Variants in C16orf96 observed in about 807,000 individuals in gnomAD.
The protein encoded by C16orf96 is chromosome 16 open reading frame 96, also known as uncharacterized protein C16orf96.
C16orf96 carries 108 observed loss-of-function variants against 103.6 expected under a neutral mutation model. The ratio of observed to expected loss-of-function variants is 1.04; its 90% CI spans 0.89 to 1.22. The LOEUF (loss-of-function observed/expected upper bound fraction) is 1.22. Among genes scored for constraint, C16orf96 ranks in the 50% most tolerant of loss-of-function variants. C16orf96 has a pLI of 0.00. For missense variants in C16orf96, 1,586 were observed against 1,464.2 expected, an observed-to-expected ratio of 1.08 and a Z score of -1.36; for synonymous variants, 566 against 593.5, an observed-to-expected ratio of 0.95 and a Z score of 0.67.
In C16orf96 at chr16:4,556,856, C is replaced by T. The variant is rs1208119326; in HGVS notation, c.367C>T (p.His123Tyr). Residue 123 changes from histidine (H) to tyrosine (Y), a missense_variant, in exon 1 of 16, where the codon CAT becomes TAT. Coordinates refer to ENST00000444310, the MANE Select transcript of C16orf96 (RefSeq NM_001145011.2). ...TGCCCGGCCCGTCCAGGACCTGTGG[C>T]ATCTGATCAAGCTCCGGAAGATGGT... ...GTARPVQDLWHLIKLRKMVEG... is the reference protein window; with the variant it reads ...GTARPVQDLWYLIKLRKMVEG... 5 of 1,551,234 alleles carry T rather than the reference C, an allele frequency of 3.2e-6. No homozygotes were observed. In the South Asian group the frequency reaches 5.9e-5, roughly 18 times the overall value.
At chr16:4,549,801 TA>T in the C16orf96 span, among the ~76,000 whole-genome samples, 1 of 151,764 alleles carries the variant, frequency 6.6e-6, no homozygotes, top group East Asian at 1.9e-4. Flanking sequence ...CAAAATAAAA[TA>T]AAAAGGAGCC....
rs750545805 is a variant in C16orf96 at position 4,600,723 on chromosome 16, C to T, written c.*406C>T. On this transcript the variant is annotated 3_prime_UTR_variant, in exon 16 of 16. Transcript: ENST00000444310. ...AAACAGCACAGTGCACATTCTCATT[C>T]TACATTGTCATATAAACACAGCTTT... 4.1e-4 allele frequency: 77 copies of T among 187,380 alleles called. No individual in the cohort carries two copies. Among genetic ancestry groups the T allele is most frequent in the Non-Finnish European group, 7.7e-4 (68 of 88,512 alleles). 11.6% of individuals were successfully genotyped at this position (187,380 alleles called of 1,614,324 possible). A position where few individuals can be genotyped will look rare whatever the true frequency, so the allele number is the denominator to read the frequency against.
rs1473417565 is a variant in C16orf96 at position 4,587,093 on chromosome 16, A to G, written c.2407A>G (p.Met803Val). Residue 803 changes from methionine (M) to valine (V), a missense_variant, in exon 8 of 16, where the codon ATG (methionine) becomes GTG (valine). Met to Val is a conservative substitution (Grantham distance 21). Transcript: ENST00000444310. ...LEMNKVNKST[M>V]EEELREKADR... ...AATGAACAAGGTGAATAAGAGCACGATGGAGGAGGAGCTGAGAGAGGTGAG... is the reference window on the plus strand; with the variant it reads ...AATGAACAAGGTGAATAAGAGCACGGTGGAGGAGGAGCTGAGAGAGGTGAG... The G allele has an allele frequency of 6.4e-7, 1 of 1,551,518 alleles. No individual in the cohort carries two copies. Among genetic ancestry groups the G allele is most frequent in the Non-Finnish European group, 8.7e-7 (1 of 1,146,958 alleles).
chr16:4,538,979 C>A, the C16orf96 span, among the ~76,000 whole-genome samples: 1 of 152,168 alleles, frequency 6.6e-6, no homozygotes, highest in Non-Finnish European at 1.5e-5. Context: ...AAAGAACCGT[C>A]CCTGTGAGCG....
intron 2 of C16orf96, among the ~76,000 whole-genome samples, chr16:4,574,151 G>A (rs2059472841): frequency 6.6e-6 from 1 of 151,024 alleles, no homozygotes. Flanking sequence ...GATTCTTAAT[G>A]TGCTTTTGCT....
chr16:4,548,557 C>G, the C16orf96 span, among the ~76,000 whole-genome samples: 1 of 152,060 alleles, frequency 6.6e-6, no homozygotes, highest in East Asian at 1.9e-4. Context: ...CTCCCAAGAA[C>G]TTTTGCGCCT....
At position 4,593,141 on chromosome 16, in the gene C16orf96, G is replaced by T; in HGVS notation, c.2775-83G>T. On this transcript the variant is annotated intron_variant, in intron 11 of 15. Transcript: ENST00000444310. This position sits in a 1 kb window ranked among gnomAD's most constrained non-coding sequence, Gnocchi z 4.2. Reference sequence around the variant, plus strand: ...GCACCTCCTTCCTCCTGCTGGGAAGGCTTCCTGGAGGGGTGGGAGACGAGC... The same window carrying T: ...GCACCTCCTTCCTCCTGCTGGGAAGTCTTCCTGGAGGGGTGGGAGACGAGC... 8.3e-6 allele frequency: 11 copies of T among 1,320,082 alleles called. No individual in the cohort carries two copies. The highest frequency in any genetic ancestry group is 1.2e-5 in the Non-Finnish European group (11 of 941,412). The allele number at this position is 1,320,082 out of a possible 1,614,324, so 81.8% of individuals were successfully genotyped here. A position where few individuals can be genotyped will look rare whatever the true frequency, so the allele number is the denominator to read the frequency against.
At chr16:4,574,663 G>A in intron 2 of C16orf96, 46 bp from the exon 3 acceptor site, 2 of 1,475,078 alleles carry the variant, frequency 1.4e-6, no homozygotes, top group South Asian at 1.2e-5. Flanking sequence ...GGCAGGGGTG[G>A]GACAGAACCT....
intron 2 of C16orf96, among the ~76,000 whole-genome samples, chr16:4,574,009 T>G (rs1038397766): frequency 6.6e-6 from 1 of 151,228 alleles, no homozygotes. Context: ...AATTTTTGTG[T>G]TTTTAGTGGA....
At chr16:4,572,332 C>T (rs936288367) in intron 2 of C16orf96, among the ~76,000 whole-genome samples, 1 of 120,966 alleles carries the variant, frequency 8.3e-6, no homozygotes, top group African/African-American at 3.1e-5. Context: ...TGGAGTCTCG[C>T]TCTGTTGCCC....
chr16:4,588,403 A>C (rs1475880023), intron 9 of C16orf96, 72 bp downstream of exon 9: 2 of 1,472,588 alleles, frequency 1.4e-6, no homozygotes, highest in Non-Finnish European at 1.8e-6. Flanking sequence ...TGCAAACAAC[A>C]AACGTTTTCA....
the C16orf96 span, among the ~76,000 whole-genome samples, chr16:4,544,872 T>C: frequency 6.6e-6 from 1 of 152,096 alleles, no homozygotes; most frequent in African/African-American, 2.4e-5. Context: ...GATGAGACGA[T>C]TGAAGTGTAT....
In C16orf96 at chr16:4,572,301, T is replaced by C. The variant is rs1006316744; in HGVS notation, c.525+636T>C. ...GATCTAGGTACTCATGCAATACTTATATTTCTTTTTTTTTTTGAGATGGAG... is the reference window on the plus strand; with the variant it reads ...GATCTAGGTACTCATGCAATACTTACATTTCTTTTTTTTTTTGAGATGGAG... On this transcript the variant is annotated intron_variant, in intron 2 of 15. Coordinates refer to ENST00000444310, the MANE Select transcript of C16orf96 (RefSeq NM_001145011.2). Among the ~76,000 whole-genome samples, 34 of 37,218 alleles carry C rather than the reference T, an allele frequency of 9.1e-4. No individual in the cohort carries two copies. In the Admixed American group the frequency reaches 0.015, roughly 16 times the overall value. 24.4% of individuals were successfully genotyped at this position (37,218 alleles called of 152,430 possible). A position where few individuals can be genotyped will look rare whatever the true frequency, so the allele number is the denominator to read the frequency against.
Position 4,585,190 on chromosome 16 carries a change from C to G in C16orf96, c.2353-1849C>G, listed in dbSNP as rs1896892024. ...GCATAAATAAGGCCAGGTTTGATGG[C>G]TCTTGTAATCCCAGCACTTTGGGAG... On this transcript the variant is annotated intron_variant, in intron 7 of 15. Transcript: ENST00000444310. 3.3e-5 allele frequency among the ~76,000 whole-genome samples: 5 copies of G among 149,262 alleles called. No homozygotes were observed. In the Admixed American group the frequency reaches 3.4e-4, roughly 10 times the overall value.
chr16:4,590,561 AAAAT>A (rs759063280), intron 9 of C16orf96, among the ~76,000 whole-genome samples: 4 of 150,366 alleles, frequency 2.7e-5, no homozygotes, highest in Middle Eastern at 3.5e-3. Flanking sequence ...CTCTGTCTCA[AAAAT>A]AAATAAATAA....
At chr16:4,546,037 A>G in the C16orf96 span, among the ~76,000 whole-genome samples, 9 of 150,004 alleles carry the variant, frequency 6.0e-5, no homozygotes, top group African/African-American at 9.8e-5. Flanking sequence ...TTCAGTAGAG[A>G]TGGGGTTTCA....
chr16:4,594,603 A>G (rs1897131086), intron 13 of C16orf96, 93 bp downstream of exon 13: 5 of 1,535,714 alleles, frequency 3.3e-6, no homozygotes, highest in African/African-American at 1.4e-5. Context: ...GGGCAACCCC[A>G]GCAGAGGCTG....
chr16:4,599,463 C>T, intron 15 of C16orf96, 99 bp downstream of exon 15: 1 of 1,037,470 alleles, frequency 9.6e-7, no homozygotes, highest in African/African-American at 1.6e-5. Flanking sequence ...CCTGGGCTCT[C>T]CTGTCCACCT....
chr16:4,546,070 G>C, the C16orf96 span, among the ~76,000 whole-genome samples: 2 of 151,472 alleles, frequency 1.3e-5, no homozygotes, highest in Admixed American at 1.3e-4. Context: ...GGCTGATCTC[G>C]AACTCCTGAC....
Sources: gnomAD v4.1 joint callset for allele counts (sites outside exome capture counted in the v4.1 genomes callset) on GRCh38, gnomAD v4.1.1 for gene constraint, Gnocchi (gnomAD v3.1) non-coding constraint, MANE v1.5 for transcripts, NCBI Gene and HGNC (gene_info 2026-07-23, HGNC 2026-07-21) for gene names.